The following STN1 variants were observed in gnomAD, a reference collection of about 807,000 sequenced individuals.
STN1 encodes the protein STN1 subunit of CST complex, also known as CST complex subunit STN1.
In STN1, 29 loss-of-function variants were observed where a neutral mutation model predicts 45.5. That is an observed-to-expected ratio of 0.64 (90% CI 0.47 to 0.87). The LOEUF (loss-of-function observed/expected upper bound fraction) is 0.87, where lower values mean the gene tolerates loss of function less well. Ranked by LOEUF, STN1 falls within the 40% of genes least tolerant of loss-of-function variation. The probability of loss-of-function intolerance (pLI) is 0.00; values close to 1 mark genes in which losing one functional copy is unlikely to be tolerated. For synonymous variants in STN1, 148 were observed against 159.0 expected (o/e 0.93, Z 0.52); for missense variants, 376 against 441.4 (o/e 0.85, Z 1.33).
chr10:103,892,363 T>C, intron 7 of STN1, 111 bp from the exon 8 acceptor site: 1 of 964,206 alleles, frequency 1.0e-6, no homozygotes, highest in Admixed American at 3.1e-5. Context: ...GCCTTTTAAC[T>C]GCTGAGTCAA....
At chr10:103,909,779 G>A (rs1843278463) in intron 3 of STN1, among the ~76,000 whole-genome samples, 1 of 151,986 alleles carries the variant, frequency 6.6e-6, no homozygotes, top group Non-Finnish European at 1.5e-5. Context: ...CCAAGGCACA[G>A]CACAAAAAGT....
intron 9 of STN1, among the ~76,000 whole-genome samples, chr10:103,883,508 A>G (rs1843084427): frequency 6.6e-6 from 1 of 152,156 alleles, no homozygotes; most frequent in African/African-American, 2.4e-5. Context: ...AAAATGAAAT[A>G]ACTTTTATCT....
chr10:103,917,258 T>C (rs1304590191), intron 2 of STN1, among the ~76,000 whole-genome samples: 1 of 90,686 alleles, frequency 1.1e-5, no homozygotes, highest in Non-Finnish European at 2.2e-5. Context: ...AAACACCTAC[T>C]AAAAAAAAAA....
intron 9 of STN1, among the ~76,000 whole-genome samples, chr10:103,887,341 A>G (rs569127525): frequency 6.6e-6 from 1 of 152,234 alleles, no homozygotes; most frequent in Non-Finnish European, 1.5e-5. Context: ...TTGTAAGTGC[A>G]TATCTGTATA....
intron 2 of STN1, among the ~76,000 whole-genome samples, chr10:103,916,764 C>G (rs1843334597): frequency 6.6e-6 from 1 of 151,260 alleles, no homozygotes; most frequent in Non-Finnish European, 1.5e-5. Context: ...GTAAGATAAG[C>G]CTATCTCTAG....
At chr10:103,907,821 G>C (rs1843252017) in intron 3 of STN1, among the ~76,000 whole-genome samples, 3 of 151,354 alleles carry the variant, frequency 2.0e-5, no homozygotes, top group South Asian at 4.2e-4. Flanking sequence ...TAGTATAATA[G>C]AAAGTTAAAA....
In STN1 at chr10:103,879,171, A is replaced by G. The variant is rs1843050533; in HGVS notation, c.*3513T>C. On this transcript the variant is annotated 3_prime_UTR_variant, in exon 10 of 10. Coordinates refer to ENST00000224950, the MANE Select transcript of STN1 (RefSeq NM_024928.5). ...AAAGAGGCAGACACTGGCAGCCGGA[A>G]GGCAGCCAGACACATACTTATTGGT... 1 of 152,404 alleles carries G rather than the reference A, an allele frequency of 6.6e-6. No individual in the cohort carries two copies. Among genetic ancestry groups the G allele is most frequent in the South Asian group, 2.1e-4 (1 of 4,830 alleles). 9.4% of individuals were successfully genotyped at this position (152,404 alleles called of 1,614,324 possible). A position where few individuals can be genotyped will look rare whatever the true frequency, so the allele number is the denominator to read the frequency against.
chr10:103,915,933 C>T (rs1843327955), intron 2 of STN1, among the ~76,000 whole-genome samples: 1 of 151,988 alleles, frequency 6.6e-6, no homozygotes, highest in African/African-American at 2.4e-5. Context: ...GTTTGCGCTC[C>T]TAAAAGAATG....
chr10:103,911,082 A>T (rs1843287551), intron 2 of STN1, among the ~76,000 whole-genome samples: 1 of 148,194 alleles, frequency 6.7e-6, no homozygotes, highest in South Asian at 2.1e-4. Flanking sequence ...TGGCAATAGC[A>T]TTTTTTTTAA....
At position 103,914,358 on chromosome 10, in the gene STN1, A is replaced by T. The variant is rs1413121148; in HGVS notation, c.133+3104T>A. On this transcript the variant is annotated intron_variant, in intron 2 of 9. Transcript: ENST00000224950. ...TACATATATATATATATATATATAT[A>T]TATATATATATATATATTTTTTTTT... Among the ~76,000 whole-genome samples, 103 of 12,784 alleles carry T rather than the reference A, an allele frequency of 8.1e-3. 8 individuals are homozygous for T. The highest frequency in any genetic ancestry group is 0.011 in the African/African-American group (69 of 6,340). The allele number at this position is 12,784 out of a possible 152,430, so 8.4% of individuals were successfully genotyped here. A position where few individuals can be genotyped will look rare whatever the true frequency, so the allele number is the denominator to read the frequency against.
chr10:103,909,412 A>G lies in STN1; in HGVS notation c.229+1115T>C, dbSNP rs868814338. Among the ~76,000 whole-genome samples, 20 of 61,010 alleles carry G rather than the reference A, an allele frequency of 3.3e-4. 2 individuals are homozygous for G. The highest frequency in any genetic ancestry group is 8.9e-4 in the South Asian group (2 of 2,258). The allele number at this position is 61,010 out of a possible 152,430, so 40.0% of individuals were successfully genotyped here. A position where few individuals can be genotyped will look rare whatever the true frequency, so the allele number is the denominator to read the frequency against. On this transcript the variant is annotated intron_variant, in intron 3 of 9. Coordinates refer to ENST00000224950, the MANE Select transcript of STN1 (RefSeq NM_024928.5). The stretch of plus-strand genomic sequence containing the variant: ...TATGTATATATGTATATATATGTAT[A>G]TATGTATATATGTATATATATGTAT...
At position 103,900,180 on chromosome 10, in the gene STN1, A is replaced by G; in HGVS notation, c.339T>C (p.Leu113=). The change falls in exon 5 of 10, where the codon CTT becomes CTC. Residue 113 remains leucine (L), a synonymous_variant. Coordinates refer to ENST00000224950, the MANE Select transcript of STN1 (RefSeq NM_024928.5). ...GCTCAATGGTCTCTTGTAGCTTCTT[A>G]AGTTGTGAGGTTAAGCTGAGCTCTC... is the stretch of plus-strand genomic sequence containing the variant. ...AARELSLTSQ[L]KKLQETIEQK... The G allele has an allele frequency of 6.2e-7, 1 of 1,614,068 alleles. No individual in the cohort carries two copies. The highest frequency in any genetic ancestry group is 8.5e-7 in the Non-Finnish European group (1 of 1,180,010).
chr10:103,882,935 G>T, intron 9 of STN1, 94 bp from the exon 10 acceptor site: 1 of 1,208,022 alleles, frequency 8.3e-7, no homozygotes, highest in Non-Finnish European at 1.1e-6. Context: ...ATTCTGACCA[G>T]ATCCCCAGAT....
In STN1 at chr10:103,917,558, G is replaced by C. The variant is rs764935085; in HGVS notation, c.37C>G (p.Pro13Ala). ...GGATCCAAACCCCACAAGAGGGAAGGGGTCTCCTCTTCACACCGGCTGGAT... is the reference window on the plus strand; with the variant it reads ...GGATCCAAACCCCACAAGAGGGAAGCGGTCTCCTCTTCACACCGGCTGGAT... ...PGSSRCEEET[P>A]SLLWGLDPVF... The change falls in exon 2 of 10, where the codon CCT (proline) becomes GCT (alanine). Residue 13 changes from proline to alanine, a missense_variant. Transcript: ENST00000224950. 4.5e-5 allele frequency: 72 copies of C among 1,613,876 alleles called. No individual in the cohort carries two copies. The highest frequency in any genetic ancestry group is 5.8e-5 in the Non-Finnish European group (69 of 1,179,872).
At chr10:103,891,984 C>T (rs959430292) in intron 8 of STN1, 146 bp downstream of exon 8, 21 of 643,294 alleles carry the variant, frequency 3.3e-5, no homozygotes, top group African/African-American at 7.3e-5. Context: ...AGAGATACCT[C>T]GGGGAAGGAT....
chr10:103,908,699 G>A (rs1014118561), intron 3 of STN1, among the ~76,000 whole-genome samples: 1 of 152,146 alleles, frequency 6.6e-6, no homozygotes. Flanking sequence ...TCACTCAGAG[G>A]GAAATGCTTA....
chr10:103,884,905 C>T (rs1156622189), intron 9 of STN1, among the ~76,000 whole-genome samples: 2 of 152,204 alleles, frequency 1.3e-5, no homozygotes, highest in Non-Finnish European at 2.9e-5. Flanking sequence ...ACTGGGATTG[C>T]TGGCATCTAT....
At chr10:103,899,092 G>A (rs1234182402) in intron 5 of STN1, 92 bp from the exon 6 acceptor site, 34 of 1,400,474 alleles carry the variant, frequency 2.4e-5, no homozygotes, top group Non-Finnish European at 3.3e-5. Flanking sequence ...TAAGACAACA[G>A]TAAATGAGGT....
intron 4 of STN1, among the ~76,000 whole-genome samples, chr10:103,904,589 G>A (rs1466613247): frequency 2.0e-5 from 3 of 151,968 alleles, no homozygotes; most frequent in Non-Finnish European, 4.4e-5. Flanking sequence ...ATTTCCAAAG[G>A]AATCCTATCT....
Sources: allele counts gnomAD v4.1 joint callset (sites outside exome capture counted in the v4.1 genomes callset), GRCh38; gene constraint gnomAD v4.1.1; transcripts MANE v1.5; gene names NCBI Gene and HGNC (gene_info 2026-07-23, HGNC 2026-07-21).